Variants in CSMD3 observed in about 807,000 individuals in gnomAD.
CSMD3 encodes the protein CUB and sushi domain-containing protein 3.
CSMD3 carries 177 observed loss-of-function variants against 435.2 expected under a neutral mutation model. The observed-to-expected ratio is 0.41, with a 90% confidence interval of 0.36 to 0.46. The LOEUF is 0.46. CSMD3 is among the 20% of genes least tolerant of loss of function. The pLI is 0.34. For synonymous variants in CSMD3, 1,656 were observed against 1,520.5 expected (o/e 1.09, Z -2.07); for missense variants, 4,265 against 4,504.6 (o/e 0.95, Z 1.52).
intron 12 of CSMD3, among the ~76,000 whole-genome samples, chr8:112,805,953 A>G (rs1388324574): frequency 6.6e-6 from 1 of 152,188 alleles, no homozygotes; most frequent in Non-Finnish European, 1.5e-5. Flanking sequence ...CTGACACTTC[A>G]GCTTTGTTAC....
At chr8:113,089,522 T>C (rs1286230459) in intron 5 of CSMD3, among the ~76,000 whole-genome samples, 1 of 152,152 alleles carries the variant, frequency 6.6e-6, no homozygotes, top group Non-Finnish European at 1.5e-5. Context: ...GTAATTATCT[T>C]GTTAAATACA....
intron 38 of CSMD3, among the ~76,000 whole-genome samples, chr8:112,377,795 AC>A (rs1829088852): frequency 1.3e-5 from 2 of 152,260 alleles, no homozygotes; most frequent in African/African-American, 4.8e-5. Context: ...TGTATGTGAC[AC>A]CATTTCATTA....
intron 1 of CSMD3, chr8:113,376,866 G>A: frequency 6.2e-7 from 1 of 1,610,718 alleles, no homozygotes; most frequent in Non-Finnish European, 8.5e-7. Flanking sequence ...TTTCCCGGAT[G>A]ATCTGGAAGA....
chr8:113,029,647 T>A (rs2087008708), intron 5 of CSMD3, among the ~76,000 whole-genome samples: 1 of 151,614 alleles, frequency 6.6e-6, no homozygotes, highest in Non-Finnish European at 1.5e-5. Context: ...AAGCCATCTA[T>A]GAAACACCCA....
intron 3 of CSMD3, among the ~76,000 whole-genome samples, chr8:113,200,772 A>AT (rs1564419519): frequency 6.6e-6 from 1 of 151,268 alleles, no homozygotes; most frequent in African/African-American, 2.4e-5. Flanking sequence ...ACAGCCTTTT[A>AT]TTTTTTAATC....
At chr8:112,366,907 T>C (rs889802445) in intron 38 of CSMD3, among the ~76,000 whole-genome samples, 1 of 152,222 alleles carries the variant, frequency 6.6e-6, no homozygotes, top group Admixed American at 6.5e-5. Context: ...TGATAGAGCT[T>C]TGTTGAGAAA....
chr8:112,671,709 C>T (rs1016742674), intron 16 of CSMD3, among the ~76,000 whole-genome samples: 1 of 152,046 alleles, frequency 6.6e-6, no homozygotes, highest in African/African-American at 2.4e-5. Flanking sequence ...GACTCAAATT[C>T]AAATTGTTAA....
chr8:112,674,903 TTATAGA>T (rs1445870667), intron 16 of CSMD3, among the ~76,000 whole-genome samples: 3 of 152,006 alleles, frequency 2.0e-5, no homozygotes, highest in Non-Finnish European at 4.4e-5. Flanking sequence ...ATTCAAACAG[TTATAGA>T]TAGATGAATG....
chr8:112,867,916 G>A (rs1038978684), intron 10 of CSMD3, among the ~76,000 whole-genome samples: 1 of 152,024 alleles, frequency 6.6e-6, no homozygotes, highest in African/African-American at 2.4e-5. Context: ...TTAGCTTACT[G>A]TAACTTTTTT....
At chr8:112,521,078 C>G (rs946843107) in intron 27 of CSMD3, among the ~76,000 whole-genome samples, 15 of 151,964 alleles carry the variant, frequency 9.9e-5, no homozygotes, top group Non-Finnish European at 2.2e-4. Context: ...GCATCACTAG[C>G]ACATTGGATC....
intron 5 of CSMD3, among the ~76,000 whole-genome samples, chr8:113,075,432 A>G (rs1286157635): frequency 6.6e-6 from 1 of 151,794 alleles, no homozygotes; most frequent in African/African-American, 2.4e-5. Flanking sequence ...CATCTATTCA[A>G]ACAAGCTAAG....
intron 3 of CSMD3, among the ~76,000 whole-genome samples, chr8:113,258,635 A>T (rs2093402940): frequency 6.6e-6 from 1 of 152,164 alleles, no homozygotes. Context: ...ACTGGGAAGA[A>T]AAAGTTTCCC....
intron 39 of CSMD3, 150 bp downstream of exon 39, chr8:112,352,266 T>C (rs1025565298): frequency 2.6e-6 from 3 of 1,162,712 alleles, no homozygotes; most frequent in Non-Finnish European, 2.4e-6. Flanking sequence ...ATTTCTCATG[T>C]GCATATTTTA....
chr8:112,244,643 C>T (rs1459042844), intron 64 of CSMD3, 70 bp from the exon 65 acceptor site: 6 of 1,165,210 alleles, frequency 5.1e-6, no homozygotes, highest in Non-Finnish European at 7.7e-6. Flanking sequence ...ACAGGAGTCA[C>T]AATATATTTC....
intron 13 of CSMD3, among the ~76,000 whole-genome samples, chr8:112,714,314 CA>C (rs35717597): frequency 0.17 from 25,084 of 150,940 alleles, 2,263 homozygotes; most frequent in Middle Eastern, 0.32. Context: ...CATCAAAGAT[CA>C]AAAAAGACAA....
intron 2 of CSMD3, among the ~76,000 whole-genome samples, chr8:113,300,327 G>A (rs909513847): frequency 1.3e-5 from 2 of 152,076 alleles, no homozygotes; most frequent in Admixed American, 6.6e-5. Flanking sequence ...TTCCACAACT[G>A]CATATCCACT....
chr8:112,696,435 T>G (rs1419577339), intron 13 of CSMD3, among the ~76,000 whole-genome samples: 1 of 152,074 alleles, frequency 6.6e-6, no homozygotes, highest in African/African-American at 2.4e-5. Context: ...TCTACAACCA[T>G]CTGATCTTTG....
intron 28 of CSMD3, among the ~76,000 whole-genome samples, chr8:112,511,384 CTTTTTT>C (rs34548150): frequency 2.8e-5 from 2 of 72,402 alleles, no homozygotes; most frequent in African/African-American, 1.2e-4. Context: ...ATTTTCTTTT[CTTTTTT>C]TTTTTTTTTT....
At chr8:112,824,013 G>T (rs887623589) in intron 12 of CSMD3, among the ~76,000 whole-genome samples, 4 of 152,136 alleles carry the variant, frequency 2.6e-5, no homozygotes, top group Non-Finnish European at 5.9e-5. Context: ...TCCTGTATCA[G>T]GTGCATATAT....
Sources: gnomAD v4.1 joint callset for allele counts (sites outside exome capture counted in the v4.1 genomes callset) on GRCh38, gnomAD v4.1.1 for gene constraint, MANE v1.5 for transcripts, NCBI Gene and HGNC (gene_info 2026-07-23, HGNC 2026-07-21) for gene names.